The following NR5A2 variants were observed in gnomAD, a reference collection of about 807,000 sequenced individuals.
NR5A2 encodes CYP7A promoter-binding factor.
A neutral mutation model predicts 62.7 loss-of-function variants in NR5A2; 26 were observed. That is an observed-to-expected ratio of 0.41 (90% CI 0.30 to 0.58). The LOEUF (loss-of-function observed/expected upper bound fraction) is 0.58. NR5A2 is among the 20% of genes least tolerant of loss of function. The pLI, the probability that NR5A2 is intolerant of heterozygous loss-of-function variation, is 0.22. For synonymous variants in NR5A2, 246 were observed against 241.7 expected, an observed-to-expected ratio of 1.02 and a Z score of -0.16; for missense variants, 541 against 669.1, an observed-to-expected ratio of 0.81 and a Z score of 2.11.
At chr1:200,133,288 A>C (rs978616313) in intron 7 of NR5A2, among the ~76,000 whole-genome samples, 1 of 151,856 alleles carries the variant, frequency 6.6e-6, no homozygotes, top group African/African-American at 2.4e-5. Context: ...GGAGGGCAGA[A>C]TCTCTCCTAC....
chr1:200,103,277 C>T (rs547966232), intron 5 of NR5A2, among the ~76,000 whole-genome samples: 1 of 152,118 alleles, frequency 6.6e-6, no homozygotes, highest in African/African-American at 2.4e-5. Flanking sequence ...GCACATGCCA[C>T]CACGCTGGGC....
chr1:200,163,389 C>G (rs956229439), intron 7 of NR5A2, among the ~76,000 whole-genome samples: 6 of 151,888 alleles, frequency 4.0e-5, no homozygotes, highest in African/African-American at 1.2e-4. Flanking sequence ...GAGCACTGGC[C>G]AGGCACTAGG....
intron 5 of NR5A2, among the ~76,000 whole-genome samples, chr1:200,079,842 A>G (rs1291571778): frequency 6.6e-6 from 1 of 150,390 alleles, no homozygotes; most frequent in Non-Finnish European, 1.5e-5. Flanking sequence ...TCATTCATAC[A>G]TGACTTGATA....
rs34917175 is a variant in NR5A2 at position 200,087,241 on chromosome 1, A to AACAC, written c.1111-23938_1111-23935dup. 4.1e-3 allele frequency among the ~76,000 whole-genome samples: 611 copies of AACAC among 148,606 alleles called. 4 individuals are homozygous for AACAC. Among genetic ancestry groups the AACAC allele is most frequent in the African/African-American group, 0.014 (568 of 40,492 alleles). ...TTCAACACATACACCCTTCTTCACC[A>AACAC]ACACACACACACACACACACACACA... is the stretch of plus-strand genomic sequence containing the variant. On this transcript the variant is annotated intron_variant, in intron 5 of 7. Coordinates refer to ENST00000367362, the MANE Select transcript of NR5A2 (RefSeq NM_205860.3).
intron 6 of NR5A2, among the ~76,000 whole-genome samples, chr1:200,117,158 T>A (rs565495321): frequency 6.6e-6 from 1 of 152,314 alleles, no homozygotes; most frequent in African/African-American, 2.4e-5. Flanking sequence ...AAAGATTACA[T>A]GTAAGAGAGC....
At position 200,173,907 on chromosome 1, in the gene NR5A2, A is replaced by C. The variant is rs1654296102; in HGVS notation, c.1379-56A>C. 8 of 1,394,960 alleles carry C rather than the reference A, an allele frequency of 5.7e-6. No homozygotes were observed. In the South Asian group the frequency reaches 1.1e-4, roughly 18 times the overall value. The allele number at this position is 1,394,960 out of a possible 1,614,324, so 86.4% of individuals were successfully genotyped here. A position where few individuals can be genotyped will look rare whatever the true frequency, so the allele number is the denominator to read the frequency against. ...TTAATTGAACACATTGCTTTAGTAAACAGGAATTGAAATGCTATTGAAATG... is the reference window on the plus strand; with the variant it reads ...TTAATTGAACACATTGCTTTAGTAACCAGGAATTGAAATGCTATTGAAATG... On this transcript the variant is annotated intron_variant, in intron 7 of 7. Coordinates refer to ENST00000367362, the MANE Select transcript of NR5A2 (RefSeq NM_205860.3).
chr1:200,120,700 T>A, intron 6 of NR5A2, 108 bp from the exon 7 acceptor site: 1 of 1,182,688 alleles, frequency 8.5e-7, no homozygotes, highest in South Asian at 1.8e-5. Flanking sequence ...CTCTATTCTA[T>A]TTTAAAAACC....
chr1:200,052,372 A>G (rs1662676774), intron 5 of NR5A2, among the ~76,000 whole-genome samples: 1 of 152,148 alleles, frequency 6.6e-6, no homozygotes, highest in Non-Finnish European at 1.5e-5. Flanking sequence ...TTTTGTAGAG[A>G]CAGGGGTCTC....
intron 6 of NR5A2, among the ~76,000 whole-genome samples, chr1:200,119,697 G>A (rs901536844): frequency 3.3e-5 from 5 of 152,032 alleles, no homozygotes; most frequent in Admixed American, 6.5e-5. Context: ...CACGATCTTG[G>A]CTCACTGCAA....
At chr1:200,078,012 G>A (rs1664120706) in intron 5 of NR5A2, among the ~76,000 whole-genome samples, 1 of 152,136 alleles carries the variant, frequency 6.6e-6, no homozygotes, top group South Asian at 2.1e-4. Context: ...GAAGCCTAGT[G>A]ATAGTCCCAG....
intron 5 of NR5A2, among the ~76,000 whole-genome samples, chr1:200,073,856 C>T (rs552088419): frequency 7.2e-5 from 11 of 152,248 alleles, no homozygotes; most frequent in Admixed American, 2.0e-4. Context: ...TGCTTACTAG[C>T]CTCGCACTGC....
At chr1:200,036,437 G>C (rs1661783013) in intron 1 of NR5A2, among the ~76,000 whole-genome samples, 1 of 152,196 alleles carries the variant, frequency 6.6e-6, no homozygotes, top group Non-Finnish European at 1.5e-5. Context: ...AGAGGGAGGA[G>C]GGAGTTCTGA....
chr1:200,114,841 C>T (rs1666140297), intron 6 of NR5A2, among the ~76,000 whole-genome samples: 1 of 152,046 alleles, frequency 6.6e-6, no homozygotes, highest in Admixed American at 6.6e-5. Flanking sequence ...AGATCGAGGC[C>T]AACTAGTGCT....
At chr1:200,085,107 G>A (rs1162288600) in intron 5 of NR5A2, among the ~76,000 whole-genome samples, 3 of 152,100 alleles carry the variant, frequency 2.0e-5, no homozygotes, top group African/African-American at 7.2e-5. Flanking sequence ...AGTGGAGATA[G>A]GAGGAGGAGG....
intron 3 of NR5A2, 116 bp from the exon 4 acceptor site, chr1:200,045,327 C>T: frequency 2.3e-6 from 2 of 869,510 alleles, no homozygotes; most frequent in Non-Finnish European, 3.4e-6. Flanking sequence ...CACAGAACCA[C>T]ATAAGGGCTC....
At chr1:200,050,088 G>A (rs1662555612) in intron 5 of NR5A2, among the ~76,000 whole-genome samples, 1 of 152,106 alleles carries the variant, frequency 6.6e-6, no homozygotes, top group Admixed American at 6.6e-5. Context: ...GATATCTCAG[G>A]CTGCAAAGGG....
At chr1:200,095,295 G>C (rs924036162) in intron 5 of NR5A2, among the ~76,000 whole-genome samples, 1 of 151,882 alleles carries the variant, frequency 6.6e-6, no homozygotes. Flanking sequence ...CTCTTTTTGA[G>C]TAATTGAAAT....
intron 7 of NR5A2, among the ~76,000 whole-genome samples, chr1:200,134,800 A>G (rs1034225263): frequency 3.3e-5 from 5 of 152,234 alleles, no homozygotes; most frequent in African/African-American, 1.2e-4. Flanking sequence ...TAAAATCTAC[A>G]TGAGATTTAC....
At chr1:200,173,224 A>G (rs889747371) in intron 7 of NR5A2, among the ~76,000 whole-genome samples, 1 of 152,196 alleles carries the variant, frequency 6.6e-6, no homozygotes, top group African/African-American at 2.4e-5. Flanking sequence ...TCTCTACATG[A>G]GTGACCAGAA....
Sources: allele counts gnomAD v4.1 joint callset (sites outside exome capture counted in the v4.1 genomes callset), GRCh38; gene constraint gnomAD v4.1.1; transcripts MANE v1.5; gene names NCBI Gene and HGNC (gene_info 2026-07-23, HGNC 2026-07-21).